The following CEP89 variants were observed in gnomAD, a reference collection of about 807,000 sequenced individuals.
The protein encoded by CEP89 is centrosomal protein 89.
In CEP89, 95 loss-of-function variants were observed where a neutral mutation model predicts 97.6. The ratio of observed to expected loss-of-function variants is 0.97; its 90% CI spans 0.82 to 1.15. CEP89 has a LOEUF of 1.15. CEP89 is among the 50% of genes most tolerant of loss of function. The pLI, the probability that CEP89 is intolerant of heterozygous loss-of-function variation, is 0.00. For missense variants in CEP89, 869 were observed against 947.7 expected, an observed-to-expected ratio of 0.92 and a Z score of 1.09; for synonymous variants, 354 against 349.1, an observed-to-expected ratio of 1.01 and a Z score of -0.16.
chr19:32,965,585 AC>A, intron 2 of CEP89, among the ~76,000 whole-genome samples: 1 of 151,098 alleles, frequency 6.6e-6, no homozygotes, highest in Non-Finnish European at 1.5e-5. Context: ...AGTCCCAGCT[AC>A]CCGGCGGGCT....
chr19:32,931,785 A>G (rs10416920), intron 8 of CEP89, among the ~76,000 whole-genome samples: 54,202 of 152,040 alleles, frequency 0.36, 9,881 homozygotes, highest in Admixed American at 0.48. Flanking sequence ...CGTTATATTG[A>G]AAGTTTGTGG....
intron 6 of CEP89, among the ~76,000 whole-genome samples, chr19:32,938,963 A>G (rs1415680035): frequency 6.6e-6 from 1 of 152,016 alleles, no homozygotes; most frequent in East Asian, 1.9e-4. Context: ...AAAATATCTC[A>G]GGCTAGGCAC....
rs1384462662 is a variant in CEP89 at position 32,936,768 on chromosome 19, C to A, written c.667+863G>T. ...TCTACTAGGAGCTGGTCAGAATAAC[C>A]AGCTGCAGAGAAGAACAACCCTCTC... On this transcript the variant is annotated intron_variant, in intron 7 of 18. Transcript: ENST00000305768. The surrounding 1 kb of genome is among the most constrained non-coding windows in gnomAD (Gnocchi z 4.5). Among the ~76,000 whole-genome samples, 1 of 152,078 alleles carries A rather than the reference C, an allele frequency of 6.6e-6. No homozygotes were observed. Among genetic ancestry groups the A allele is most frequent in the Non-Finnish European group, 1.5e-5 (1 of 68,004 alleles).
intron 4 of CEP89, among the ~76,000 whole-genome samples, chr19:32,949,789 T>C (rs1250971613): frequency 6.6e-6 from 1 of 152,130 alleles, no homozygotes; most frequent in Non-Finnish European, 1.5e-5. Context: ...TCAGTTTGGC[T>C]TAGCTGGGCT....
chr19:32,896,084 A>G (rs907813521), intron 16 of CEP89, among the ~76,000 whole-genome samples: 31 of 152,330 alleles, frequency 2.0e-4, no homozygotes, highest in Middle Eastern at 6.8e-3. Flanking sequence ...TCAGAACATC[A>G]ATGACGTTTT....
At chr19:32,929,613 A>G (rs575852945) in intron 9 of CEP89, among the ~76,000 whole-genome samples, 9 of 151,602 alleles carry the variant, frequency 5.9e-5, no homozygotes, top group East Asian at 1.9e-4. Context: ...AAAAAAAAAA[A>G]AGAGAGAGAG....
intron 14 of CEP89, among the ~76,000 whole-genome samples, chr19:32,905,705 C>A (rs1359572470): frequency 1.3e-5 from 2 of 151,986 alleles, no homozygotes; most frequent in African/African-American, 4.8e-5. Flanking sequence ...GTGAATCATC[C>A]TCTTTGCTTA....
rs920079067 is a variant in CEP89, at chr19:32,902,018, G to C, written c.1566-606C>G. Among the ~76,000 whole-genome samples, 1,301 of 149,026 alleles carry C rather than the reference G, an allele frequency of 8.7e-3. 11 individuals are homozygous for C. Among genetic ancestry groups the C allele is most frequent in the East Asian group, 0.03 (154 of 5,086 alleles). On this transcript the variant is annotated intron_variant, in intron 14 of 18. Transcript: ENST00000305768. ...TCTGTCTCTCTCTCTCTCTGTGTGT[G>C]TGTGTGTGTGTGTGTGTGTGTGTGT... is the stretch of plus-strand genomic sequence containing the variant.
At chr19:32,883,699 G>A (rs2145868077) in intron 17 of CEP89, among the ~76,000 whole-genome samples, 1 of 152,080 alleles carries the variant, frequency 6.6e-6, no homozygotes, top group African/African-American at 2.4e-5. Flanking sequence ...AAAAACAAAT[G>A]CCTACATTAT....
At chr19:32,882,099 C>T in intron 17 of CEP89, 86 bp from the exon 18 acceptor site, 1 of 1,153,324 alleles carries the variant, frequency 8.7e-7, no homozygotes, top group Non-Finnish European at 1.2e-6. Flanking sequence ...CTACCCACTC[C>T]TTGTGTGTCA....
At chr19:32,905,198 C>A (rs1969862923) in intron 14 of CEP89, among the ~76,000 whole-genome samples, 1 of 152,152 alleles carries the variant, frequency 6.6e-6, no homozygotes, top group Non-Finnish European at 1.5e-5. Context: ...TTCAACATTT[C>A]CCTATTTGGT....
At chr19:32,923,144 T>A (rs1229326512) in intron 12 of CEP89, among the ~76,000 whole-genome samples, 1 of 152,050 alleles carries the variant, frequency 6.6e-6, no homozygotes. Context: ...GGGACGAGAC[T>A]CTCCAGGTCT....
rs71338602 is a variant in CEP89, at chr19:32,940,765, CT to C, written c.596-881del. Among the ~76,000 whole-genome samples the C allele has an allele frequency of 7.6e-3, 1,092 of 143,196 alleles. 6 individuals are homozygous for C. Among genetic ancestry groups the C allele is most frequent in the African/African-American group, 0.012 (465 of 39,376 alleles). 93.9% of individuals were successfully genotyped at this position (143,196 alleles called of 152,430 possible). ...TTGTAAAAAGTTGGACATCGAGTTG[CT>C]TTTTTTTTTTTTTGAGACGGAGTCT... On this transcript the variant is annotated intron_variant, in intron 5 of 18. Coordinates refer to ENST00000305768, the MANE Select transcript of CEP89 (RefSeq NM_032816.5).
In CEP89 at chr19:32,899,131, A is replaced by ATTT. The variant is rs1555788862; in HGVS notation, c.1875+723_1875+725dup. On this transcript the variant is annotated intron_variant, in intron 16 of 18. Transcript: ENST00000305768. The stretch of plus-strand genomic sequence containing the variant: ...GTATCTCAAGACTGGTTTAATTAGC[A>ATTT]TTTTTTTTTTTTTTTTAGGGACAGG... 5.6e-5 allele frequency among the ~76,000 whole-genome samples: 8 copies of ATTT among 143,238 alleles called. No individual in the cohort carries two copies. In the East Asian group the frequency reaches 1.4e-3, roughly 25 times the overall value. The allele number at this position is 143,238 out of a possible 152,430, so 94.0% of individuals were successfully genotyped here.
At position 32,879,025 on chromosome 19, in the gene CEP89, T is replaced by C. The variant is rs1326527877; in HGVS notation, c.*137A>G. The C allele has an allele frequency of 2.0e-5, 12 of 607,054 alleles. No homozygotes were observed. The highest frequency in any genetic ancestry group is 3.1e-5 in the Non-Finnish European group (11 of 355,112). The allele number at this position is 607,054 out of a possible 1,614,324, so 37.6% of individuals were successfully genotyped here. ...ATCAATGGATTAAACTATGAGACCATTTATTTCTTCCCTGCCCTGCAGCGT... is the reference window on the plus strand; with the variant it reads ...ATCAATGGATTAAACTATGAGACCACTTATTTCTTCCCTGCCCTGCAGCGT... On this transcript the variant is annotated 3_prime_UTR_variant, in exon 19 of 19. Coordinates refer to ENST00000305768, the MANE Select transcript of CEP89 (RefSeq NM_032816.5).
intron 12 of CEP89, among the ~76,000 whole-genome samples, chr19:32,920,162 T>C (rs752534403): frequency 2.0e-4 from 30 of 151,986 alleles, no homozygotes; most frequent in Non-Finnish European, 4.0e-4. Context: ...CTCAGCCTTC[T>C]GAATAGCTAG....
intron 14 of CEP89, among the ~76,000 whole-genome samples, chr19:32,909,463 T>A (rs1969954905): frequency 6.6e-6 from 1 of 151,984 alleles, no homozygotes; most frequent in African/African-American, 2.4e-5. Context: ...TCAGAACAGA[T>A]GACTAGATGT....
In CEP89 at chr19:32,971,818, G is replaced by T; in HGVS notation, c.39+18C>A. 2 of 1,587,566 alleles carry T rather than the reference G, an allele frequency of 1.3e-6. No individual in the cohort carries two copies. The highest frequency in any genetic ancestry group is 1.1e-5 in the South Asian group (1 of 87,630). On this transcript the variant is annotated intron_variant, in intron 1 of 18. Transcript: ENST00000305768. ...GGCCCCACAGAGCCCCACGCGCGGCGGGCGAGCATCTACTTACGAAATGAC... is the reference window on the plus strand; with the variant it reads ...GGCCCCACAGAGCCCCACGCGCGGCTGGCGAGCATCTACTTACGAAATGAC...
chr19:32,913,329 T>C (rs1970052467), intron 14 of CEP89, among the ~76,000 whole-genome samples: 1 of 146,400 alleles, frequency 6.8e-6, no homozygotes, highest in African/African-American at 2.5e-5. Context: ...GTTGTTGTTG[T>C]TGTTGTTGTT....
Sources: allele counts gnomAD v4.1 joint callset (sites outside exome capture counted in the v4.1 genomes callset), GRCh38; gene constraint gnomAD v4.1.1; non-coding constraint Gnocchi (gnomAD v3.1); transcripts MANE v1.5; gene names NCBI Gene and HGNC (gene_info 2026-07-23, HGNC 2026-07-21).